Variants in FRMD5 observed in about 807,000 individuals in gnomAD.
FRMD5 encodes the protein FERM domain-containing protein 5.
In FRMD5, 20 loss-of-function variants were observed where a neutral mutation model predicts 69.0. The ratio of observed to expected loss-of-function variants is 0.29; its 90% CI spans 0.20 to 0.42. The LOEUF (loss-of-function observed/expected upper bound fraction) is 0.42. Ranked by LOEUF, FRMD5 falls within the 10% of genes least tolerant of loss-of-function variation. FRMD5 has a pLI of 1.00. For synonymous variants in FRMD5, 271 were observed against 260.1 expected (o/e 1.04, Z -0.40); for missense variants, 595 against 708.6 (o/e 0.84, Z 1.82).
intron 1 of FRMD5, among the ~76,000 whole-genome samples, chr15:43,973,682 A>G (rs1160430523): frequency 2.0e-5 from 3 of 152,098 alleles, no homozygotes; most frequent in African/African-American, 2.4e-5. Flanking sequence ...ATGTTCTTTA[A>G]GTCAGAAGAT....
chr15:44,169,448 A>G (rs546350474), intron 1 of FRMD5, among the ~76,000 whole-genome samples: 5 of 152,194 alleles, frequency 3.3e-5, no homozygotes, highest in Admixed American at 1.3e-4. Context: ...CACCAGGTGG[A>G]AAGGGAGTAG....
intron 1 of FRMD5, among the ~76,000 whole-genome samples, chr15:43,963,937 AG>A (rs2090249112): frequency 6.6e-6 from 1 of 152,112 alleles, no homozygotes; most frequent in African/African-American, 2.4e-5. Flanking sequence ...GGATAGCATT[AG>A]GTGATATACC....
At chr15:43,927,889 T>C (rs1335451787) in intron 1 of FRMD5, among the ~76,000 whole-genome samples, 1 of 152,166 alleles carries the variant, frequency 6.6e-6, no homozygotes, top group East Asian at 1.9e-4. Context: ...ATGGAAATCA[T>C]ACAGACTTTT....
At chr15:44,021,555 T>C (rs1436948681) in intron 1 of FRMD5, among the ~76,000 whole-genome samples, 1 of 152,204 alleles carries the variant, frequency 6.6e-6, no homozygotes, top group East Asian at 1.9e-4. Flanking sequence ...CATGAAAAGA[T>C]GATCAACATT....
intron 1 of FRMD5, among the ~76,000 whole-genome samples, chr15:44,189,621 T>A (rs546872039): frequency 6.6e-6 from 1 of 151,980 alleles, no homozygotes; most frequent in East Asian, 1.9e-4. Context: ...CCCGAGCAGC[T>A]GGGATTACAG....
intron 1 of FRMD5, among the ~76,000 whole-genome samples, chr15:44,171,153 A>G (rs1364921537): frequency 3.3e-5 from 5 of 152,242 alleles, no homozygotes; most frequent in Non-Finnish European, 7.3e-5. Context: ...TACTTTTCTT[A>G]AAGTATGTGT....
At chr15:43,976,629 C>T (rs1407125766) in intron 1 of FRMD5, among the ~76,000 whole-genome samples, 2 of 152,120 alleles carry the variant, frequency 1.3e-5, no homozygotes, top group Non-Finnish European at 2.9e-5. Context: ...CTGGCTGAGA[C>T]CCTGATTGCT....
chr15:44,005,725 C>G (rs1198614194), intron 1 of FRMD5, among the ~76,000 whole-genome samples: 3 of 152,030 alleles, frequency 2.0e-5, no homozygotes, highest in Non-Finnish European at 4.4e-5. Flanking sequence ...CTCATGATAA[C>G]TCTTATCCCA....
intron 1 of FRMD5, among the ~76,000 whole-genome samples, chr15:44,133,900 G>A (rs1206130456): frequency 6.6e-6 from 1 of 152,086 alleles, no homozygotes; most frequent in East Asian, 1.9e-4. Context: ...TCAGATATAA[G>A]CCAATGTCCA....
chr15:44,131,664 T>C (rs758128989), intron 1 of FRMD5, among the ~76,000 whole-genome samples: 7 of 115,038 alleles, frequency 6.1e-5, no homozygotes, highest in Non-Finnish European at 1.4e-4. Context: ...TTGAAAACAT[T>C]AGGCTAAGTT....
intron 1 of FRMD5, among the ~76,000 whole-genome samples, chr15:44,096,591 C>T (rs1178518616): frequency 1.3e-5 from 2 of 151,830 alleles, no homozygotes; most frequent in Admixed American, 6.6e-5. Flanking sequence ...TTAATAGAGA[C>T]GAGGTTTCAC....
intron 1 of FRMD5, among the ~76,000 whole-genome samples, chr15:44,071,416 G>C (rs912010973): frequency 4.7e-5 from 7 of 148,922 alleles, no homozygotes; most frequent in Non-Finnish European, 8.8e-5. Flanking sequence ...GACAAAGCAA[G>C]ACCCTGTCTA....
chr15:44,035,963 C>G (rs1011723026), intron 1 of FRMD5, among the ~76,000 whole-genome samples: 34 of 152,204 alleles, frequency 2.2e-4, no homozygotes, highest in African/African-American at 7.7e-4. Flanking sequence ...GACAGATCTT[C>G]CTCGTAGTAA....
intron 1 of FRMD5, among the ~76,000 whole-genome samples, chr15:44,165,630 G>C (rs1247517900): frequency 6.6e-6 from 1 of 152,108 alleles, no homozygotes; most frequent in Non-Finnish European, 1.5e-5. Flanking sequence ...GAGCTCAGGA[G>C]TTTGAAACCA....
intron 1 of FRMD5, among the ~76,000 whole-genome samples, chr15:43,928,349 T>C (rs1485428253): frequency 6.6e-6 from 1 of 152,126 alleles, no homozygotes; most frequent in Non-Finnish European, 1.5e-5. Flanking sequence ...TTCCATGAAA[T>C]TTAAATCCCC....
chr15:44,154,517 T>TA (rs2077496794), intron 1 of FRMD5, among the ~76,000 whole-genome samples: 1 of 152,240 alleles, frequency 6.6e-6, no homozygotes, highest in Admixed American at 6.5e-5. Flanking sequence ...CAGTATAAAA[T>TA]AGTTATTTAT....
intron 1 of FRMD5, among the ~76,000 whole-genome samples, chr15:44,032,108 C>G (rs750593644): frequency 1.3e-5 from 2 of 152,130 alleles, no homozygotes; most frequent in Non-Finnish European, 2.9e-5. Flanking sequence ...GGGAAAAAGA[C>G]TCCCTATTCA....
At chr15:43,951,960 C>CAT (rs2090036635) in intron 1 of FRMD5, among the ~76,000 whole-genome samples, 1 of 135,646 alleles carries the variant, frequency 7.4e-6, no homozygotes. Context: ...TCTGTATGTG[C>CAT]ATGTGTGTGT....
At chr15:43,920,376 C>T (rs970003216) in intron 2 of FRMD5, among the ~76,000 whole-genome samples, 17 of 152,196 alleles carry the variant, frequency 1.1e-4, no homozygotes, top group African/African-American at 1.4e-4. Flanking sequence ...TTAGAAAACA[C>T]ATACTCAGGA....
Sources: allele counts gnomAD v4.1 joint callset (sites outside exome capture counted in the v4.1 genomes callset), GRCh38; gene constraint gnomAD v4.1.1; transcripts MANE v1.5; gene names NCBI Gene and HGNC (gene_info 2026-07-23, HGNC 2026-07-21).